The following ETNK1 variants were observed in gnomAD, a reference collection of about 807,000 sequenced individuals.
ETNK1 encodes putative protein product of Nbla10396.
Under a neutral mutation model 45.1 loss-of-function variants are expected in ETNK1, and 8 were observed. The observed-to-expected ratio is 0.18, with a 90% CI of 0.10 to 0.32. The LOEUF (loss-of-function observed/expected upper bound fraction) is 0.32. Ranked by LOEUF, ETNK1 falls within the 10% of genes least tolerant of loss-of-function variation. The pLI, the probability that ETNK1 is intolerant of heterozygous loss-of-function variation, is 1.00. For synonymous variants in ETNK1, 152 were observed against 151.9 expected, an observed-to-expected ratio of 1.00 and a Z score of -0.01; for missense variants, 302 against 430.6, an observed-to-expected ratio of 0.70 and a Z score of 2.64.
chr12:22,634,026 C>T (rs938930199), intron 1 of ETNK1, among the ~76,000 whole-genome samples: 4 of 151,980 alleles, frequency 2.6e-5, no homozygotes, highest in Non-Finnish European at 4.4e-5. Context: ...TTTTATTTCC[C>T]AGTCTTAAGG....
intron 1 of ETNK1, among the ~76,000 whole-genome samples, chr12:22,628,218 T>C (rs979369586): frequency 6.6e-6 from 1 of 152,130 alleles, no homozygotes; most frequent in African/African-American, 2.4e-5. Flanking sequence ...TATCATATAG[T>C]TAATGAAACT....
At chr12:22,675,617 C>T (rs1954152760) in intron 6 of ETNK1, among the ~76,000 whole-genome samples, 1 of 152,174 alleles carries the variant, frequency 6.6e-6, no homozygotes, top group Non-Finnish European at 1.5e-5. Flanking sequence ...CTCAGCCTCC[C>T]AGGGTATTGG....
intron 4 of ETNK1, among the ~76,000 whole-genome samples, chr12:22,664,175 TAATAGTCAAA>T (rs993404745): frequency 1.6e-3 from 244 of 152,072 alleles, no homozygotes; most frequent in African/African-American, 5.6e-3. Flanking sequence ...TTAATAAATT[TAATAGTCAAA>T]AATAGTCAAT....
intron 6 of ETNK1, among the ~76,000 whole-genome samples, chr12:22,682,058 C>T (rs1028177710): frequency 6.6e-6 from 1 of 152,020 alleles, no homozygotes; most frequent in African/African-American, 2.4e-5. Flanking sequence ...GATTCTTTTA[C>T]CTGTATGTGA....
In ETNK1 at chr12:22,684,901, A is replaced by G; in HGVS notation, c.1039A>G (p.Asn347Asp). 6.2e-7 allele frequency: 1 copy of G among 1,607,022 alleles called. No individual in the cohort carries two copies. The highest frequency in any genetic ancestry group is 1.3e-5 in the African/African-American group (1 of 74,652). ...CACTAGGTATGCAATTGTTCGTTTT[A>G]ACCAGTACTTTAAAATGAAGCCTGA... ...DFLGYAIVRF[N>D]QYFKMKPEVT... Residue 347 changes from asparagine (N) to aspartate (D), a missense_variant, in exon 8 of 8, where the codon AAC becomes GAC. This residue lies in a region of ETNK1 where 94 missense variants were observed against 152.9 expected (regional missense o/e 0.61). Coordinates refer to ENST00000266517, the MANE Select transcript of ETNK1 (RefSeq NM_018638.5).
chr12:22,635,213 G>A (rs983281679), intron 1 of ETNK1, among the ~76,000 whole-genome samples: 1 of 152,198 alleles, frequency 6.6e-6, no homozygotes, highest in Non-Finnish European at 1.5e-5. Flanking sequence ...TTTACACTCA[G>A]TGTGTCCTCC....
intron 6 of ETNK1, among the ~76,000 whole-genome samples, chr12:22,681,588 A>G (rs1954216410): frequency 6.6e-6 from 1 of 152,004 alleles, no homozygotes; most frequent in African/African-American, 2.4e-5. Context: ...TGAAATAATT[A>G]ACAGTATTTA....
chr12:22,632,297 C>T (rs1182534166), intron 1 of ETNK1, among the ~76,000 whole-genome samples: 1 of 151,774 alleles, frequency 6.6e-6, no homozygotes, highest in African/African-American at 2.4e-5. Flanking sequence ...TATTCACAAC[C>T]GTTTTATTTT....
At chr12:22,641,233 C>T (rs1050868407) in intron 1 of ETNK1, among the ~76,000 whole-genome samples, 2 of 151,972 alleles carry the variant, frequency 1.3e-5, no homozygotes, top group South Asian at 2.1e-4. Flanking sequence ...TTCGAGGTAA[C>T]GGTATTCTCT....
chr12:22,669,732 A>G (rs529094874), intron 4 of ETNK1, among the ~76,000 whole-genome samples: 3 of 152,212 alleles, frequency 2.0e-5, no homozygotes, highest in South Asian at 2.1e-4. Context: ...GAATTCAAGT[A>G]TACAAGGCAG....
rs2137585136 is a variant in ETNK1, at chr12:22,690,325, T to G, written c.*5371T>G. 6.6e-6 allele frequency: 1 copy of G among 152,604 alleles called. No homozygotes were observed. Among genetic ancestry groups the G allele is most frequent in the Middle Eastern group, 3.4e-3 (1 of 294 alleles). The allele number at this position is 152,604 out of a possible 1,614,324, so 9.5% of individuals were successfully genotyped here. A position where few individuals can be genotyped will look rare whatever the true frequency, so the allele number is the denominator to read the frequency against. ...TTTGATAATGAAGATACTTCCTGTTTTCTTGTTTCATATTTTCATGTTCAA... is the reference window on the plus strand; with the variant it reads ...TTTGATAATGAAGATACTTCCTGTTGTCTTGTTTCATATTTTCATGTTCAA... On this transcript the variant is annotated 3_prime_UTR_variant, in exon 8 of 8. Transcript: ENST00000266517.
chr12:22,652,225 T>C (rs542071753), intron 2 of ETNK1, among the ~76,000 whole-genome samples: 10 of 152,348 alleles, frequency 6.6e-5, no homozygotes, highest in African/African-American at 2.4e-4. Flanking sequence ...TATTCCTTTG[T>C]ATTTATATAC....
intron 2 of ETNK1, among the ~76,000 whole-genome samples, chr12:22,650,384 G>A (rs1055018822): frequency 5.9e-5 from 9 of 151,450 alleles, no homozygotes; most frequent in Admixed American, 1.3e-4. Flanking sequence ...TTCAAATTAC[G>A]TGTCATTAAG....
chr12:22,630,802 G>T (rs1001280199), intron 1 of ETNK1, among the ~76,000 whole-genome samples: 2 of 151,720 alleles, frequency 1.3e-5, no homozygotes, highest in Non-Finnish European at 2.9e-5. Context: ...GTAGAGTCGG[G>T]GTTTCACCAT....
intron 6 of ETNK1, among the ~76,000 whole-genome samples, chr12:22,679,263 C>T (rs529570825): frequency 3.2e-4 from 49 of 152,352 alleles, no homozygotes; most frequent in Non-Finnish European, 6.0e-4. Context: ...TGGCAAACCA[C>T]TGGCGTTTAA....
chr12:22,685,181 C>T lies in ETNK1; in HGVS notation c.*227C>T. 1 of 393,330 alleles carries T rather than the reference C, an allele frequency of 2.5e-6. No individual in the cohort carries two copies. Among genetic ancestry groups the T allele is most frequent in the East Asian group, 3.9e-5 (1 of 25,330 alleles). The allele number at this position is 393,330 out of a possible 1,614,324, so 24.4% of individuals were successfully genotyped here. A position where few individuals can be genotyped will look rare whatever the true frequency, so the allele number is the denominator to read the frequency against. On this transcript the variant is annotated 3_prime_UTR_variant, in exon 8 of 8. Transcript: ENST00000266517. ...GTGGATTAGAAATGTGTTAAATCTG[C>T]AAAAGGTATAAAGATGTCAGTTTAA...
At chr12:22,679,212 A>G (rs984415931) in intron 6 of ETNK1, among the ~76,000 whole-genome samples, 2 of 152,226 alleles carry the variant, frequency 1.3e-5, no homozygotes, top group African/African-American at 4.8e-5. Flanking sequence ...AAGAGCCGAC[A>G]GTGCTGCCTT....
rs1352158056 is a variant in ETNK1, at chr12:22,657,582, C to A, written c.417-1432C>A. ...CAGTAGGTTTCTCTAACCGGTTTAA[C>A]CACCCCAGGGGGAAAATTTTCCTAA... On this transcript the variant is annotated intron_variant, in intron 2 of 7. Transcript: ENST00000266517. Among the ~76,000 whole-genome samples, 6 of 148,180 alleles carry A rather than the reference C, an allele frequency of 4.0e-5. No individual in the cohort carries two copies. The East Asian group carries it at 7.7e-4, about 19-fold the overall frequency.
At position 22,658,774 on chromosome 12, in the gene ETNK1, A is replaced by G. The variant is rs185616808; in HGVS notation, c.417-240A>G. ...TGCTGAAGATGGCCAGAGTAATCAGAGTAATTAATTTGGGGAATGGTGAAG... is the reference window on the plus strand; with the variant it reads ...TGCTGAAGATGGCCAGAGTAATCAGGGTAATTAATTTGGGGAATGGTGAAG... On this transcript the variant is annotated intron_variant, in intron 2 of 7. Coordinates refer to ENST00000266517, the MANE Select transcript of ETNK1 (RefSeq NM_018638.5). 4.1e-4 allele frequency among the ~76,000 whole-genome samples: 62 copies of G among 152,296 alleles called. No homozygotes were observed. The East Asian group carries it at 9.1e-3, about 22-fold the overall frequency.
Sources: gnomAD v4.1 joint callset for allele counts (sites outside exome capture counted in the v4.1 genomes callset) on GRCh38, gnomAD v4.1.1 for gene constraint, gnomAD v4.1.1 regional missense constraint, MANE v1.5 for transcripts, NCBI Gene and HGNC (gene_info 2026-07-23, HGNC 2026-07-21) for gene names.